Variants in SCAI observed in about 807,000 individuals in gnomAD.
The protein encoded by SCAI is suppressor of cancer cell invasion.
In SCAI, 24 loss-of-function variants were observed where a neutral mutation model predicts 92.2. The ratio of observed to expected loss-of-function variants is 0.26; its 90% CI spans 0.19 to 0.37. The LOEUF (loss-of-function observed/expected upper bound fraction) is 0.37, where lower values mean the gene tolerates loss of function less well. Ranked by LOEUF, SCAI falls within the 10% of genes least tolerant of loss-of-function variation. The pLI, the probability that SCAI is intolerant of heterozygous loss-of-function variation, is 1.00. For missense variants in SCAI, 450 were observed against 736.2 expected (o/e 0.61, Z 4.50); for synonymous variants, 261 against 258.6 (o/e 1.01, Z -0.09).
At chr9:124,995,943 G>A (rs1057196821) in intron 13 of SCAI, among the ~76,000 whole-genome samples, 10 of 152,046 alleles carry the variant, frequency 6.6e-5, no homozygotes, top group African/African-American at 1.9e-4. Context: ...CTTGGTGTGC[G>A]TGCTCTTTCC....
At position 124,949,330 on chromosome 9, in the gene SCAI, G is replaced by A. The variant is rs962329553; in HGVS notation, c.*3477C>T. ...ATCCTGCCACCACACTGCAGCCTGA[G>A]TAACAAGAGTGAAACTCCGTCTCAA... On this transcript the variant is annotated 3_prime_UTR_variant, in exon 18 of 18. Coordinates refer to ENST00000336505, the MANE Select transcript of SCAI (RefSeq NM_001144877.3). The surrounding 1 kb of genome is among the most constrained non-coding windows in gnomAD (Gnocchi z 4.0). The A allele has an allele frequency of 2.0e-5, 3 of 152,220 alleles. No individual in the cohort carries two copies. The highest frequency in any genetic ancestry group is 4.4e-5 in the Non-Finnish European group (3 of 68,060). The allele number at this position is 152,220 out of a possible 1,614,324, so 9.4% of individuals were successfully genotyped here.
At position 124,945,873 on chromosome 9, in the gene SCAI, T is replaced by C. The variant is rs930123885; in HGVS notation, c.*6934A>G. ...GAGGAAGATGAATCACTTTTTTTTT[T>C]AAGTGGTCCCATTATCCAGGAAAGA... On this transcript the variant is annotated 3_prime_UTR_variant, in exon 18 of 18. Transcript: ENST00000336505. 6.6e-6 allele frequency: 1 copy of C among 152,102 alleles called. No homozygotes were observed. The highest frequency in any genetic ancestry group is 6.6e-5 in the Admixed American group (1 of 15,260). 9.4% of individuals were successfully genotyped at this position (152,102 alleles called of 1,614,324 possible).
At chr9:125,111,101 T>C (rs1247609299) in intron 2 of SCAI, among the ~76,000 whole-genome samples, 2 of 152,216 alleles carry the variant, frequency 1.3e-5, no homozygotes, top group South Asian at 4.1e-4. Context: ...AAAATATAGA[T>C]GTAAAAATCT....
intron 2 of SCAI, chr9:125,066,179 G>T: frequency 1.9e-6 from 1 of 515,934 alleles, no homozygotes; most frequent in Non-Finnish European, 3.4e-6. Context: ...TTAACCAGTG[G>T]GTTTAGCAAA....
chr9:125,051,648 G>A (rs1833562581), intron 3 of SCAI, among the ~76,000 whole-genome samples: 1 of 152,094 alleles, frequency 6.6e-6, no homozygotes, highest in Non-Finnish European at 1.5e-5. Context: ...CCATACATAT[G>A]TAAAATTATT....
intron 17 of SCAI, among the ~76,000 whole-genome samples, chr9:124,968,067 C>A (rs559243598): frequency 2.0e-4 from 31 of 152,198 alleles, no homozygotes; most frequent in African/African-American, 7.0e-4. Context: ...TAAAGGATAT[C>A]ATATGAGGGA....
chr9:124,977,617 T>C (rs547675273), intron 14 of SCAI, among the ~76,000 whole-genome samples: 1 of 152,222 alleles, frequency 6.6e-6, no homozygotes, highest in South Asian at 2.1e-4. Context: ...AAGGCTACAA[T>C]GAGCTCTGAT....
At chr9:125,088,740 AG>A in intron 2 of SCAI, among the ~76,000 whole-genome samples, 1 of 152,268 alleles carries the variant, frequency 6.6e-6, no homozygotes, top group East Asian at 1.9e-4. Flanking sequence ...GGCCTCGCAA[AG>A]TTCTAGGATT....
At chr9:124,995,565 C>G (rs1221622961) in intron 13 of SCAI, among the ~76,000 whole-genome samples, 1 of 151,518 alleles carries the variant, frequency 6.6e-6, no homozygotes, top group Admixed American at 6.6e-5. Context: ...TCGCAGCTCA[C>G]AGCAACCTCC....
In SCAI at chr9:125,091,116, C is replaced by CA. The variant is rs1365502751; in HGVS notation, c.99-35110dup. Among the ~76,000 whole-genome samples the CA allele has an allele frequency of 3.3e-5, 5 of 151,504 alleles. No individual in the cohort carries two copies. The highest frequency in any genetic ancestry group is 4.2e-4 in the South Asian group (2 of 4,800). On this transcript the variant is annotated intron_variant, in intron 2 of 17. Coordinates refer to ENST00000336505, the MANE Select transcript of SCAI (RefSeq NM_001144877.3). This position sits in a 1 kb window ranked among gnomAD's most constrained non-coding sequence, Gnocchi z 4.3. The stretch of plus-strand genomic sequence containing the variant: ...TGGGTGACAAAGCGAGACTCTGTCT[C>CA]AAAAAAAAGAAAGGACAGGTTCATA...
intron 2 of SCAI, among the ~76,000 whole-genome samples, chr9:125,071,741 GA>G (rs963484031): frequency 6.6e-6 from 1 of 151,088 alleles, no homozygotes; most frequent in Non-Finnish European, 1.5e-5. Context: ...AAAAAGGCAG[GA>G]AAAAAAAAGA....
intron 9 of SCAI, among the ~76,000 whole-genome samples, chr9:125,010,791 G>C (rs1832620049): frequency 6.6e-6 from 1 of 152,142 alleles, no homozygotes; most frequent in African/African-American, 2.4e-5. Context: ...CCCAAGTAGG[G>C]GCAGACTGAC....
intron 17 of SCAI, among the ~76,000 whole-genome samples, chr9:124,962,789 TC>T (rs1302531074): frequency 1.3e-5 from 2 of 151,422 alleles, no homozygotes; most frequent in African/African-American, 2.4e-5. Flanking sequence ...TATTGTTTTT[TC>T]TTTTTCTTTC....
chr9:124,987,511 G>C (rs1002617390), intron 14 of SCAI, among the ~76,000 whole-genome samples: 3 of 151,996 alleles, frequency 2.0e-5, no homozygotes, highest in African/African-American at 7.2e-5. Flanking sequence ...AGCCTGAAAA[G>C]CTACTCTTTC....
chr9:124,988,699 A>T (rs1488457511), intron 14 of SCAI, among the ~76,000 whole-genome samples: 1 of 152,202 alleles, frequency 6.6e-6, no homozygotes, highest in Admixed American at 6.5e-5. Context: ...ACCAGACCAG[A>T]ATGTGCAATA....
At chr9:125,014,977 A>G (rs561904781) in intron 9 of SCAI, among the ~76,000 whole-genome samples, 3 of 152,328 alleles carry the variant, frequency 2.0e-5, no homozygotes, top group Non-Finnish European at 2.9e-5. Flanking sequence ...CTGGCTAGCC[A>G]TATGTAGAAA....
At chr9:125,133,602 A>T (rs1021690916) in intron 2 of SCAI, among the ~76,000 whole-genome samples, 5 of 152,182 alleles carry the variant, frequency 3.3e-5, no homozygotes, top group Non-Finnish European at 5.9e-5. Flanking sequence ...AATGACACGT[A>T]CCAGTGTACA....
At position 124,948,999 on chromosome 9, in the gene SCAI, A is replaced by C. The variant is rs2131563171; in HGVS notation, c.*3808T>G. On this transcript the variant is annotated 3_prime_UTR_variant, in exon 18 of 18. Transcript: ENST00000336505. ...AAGCCCATTGGGCAACTGTCCTTTT[A>C]GATAATTCTTCTCCCTTGATTAAAG... 6.6e-6 allele frequency: 1 copy of C among 152,378 alleles called. No individual in the cohort carries two copies. The highest frequency in any genetic ancestry group is 2.1e-4 in the South Asian group (1 of 4,820). 9.4% of individuals were successfully genotyped at this position (152,378 alleles called of 1,614,324 possible). A position where few individuals can be genotyped will look rare whatever the true frequency, so the allele number is the denominator to read the frequency against.
In SCAI at chr9:124,952,729, T is replaced by TA; in HGVS notation, c.*77_*78insT. ...ATAAAAACTAAGTAACACCACTATGTGTCTTATCACGTTAGAAAACTGCAC... is the reference window on the plus strand; with the variant it reads ...ATAAAAACTAAGTAACACCACTATGTAGTCTTATCACGTTAGAAAACTGCAC... On this transcript the variant is annotated 3_prime_UTR_variant, in exon 18 of 18. Transcript: ENST00000336505. The TA allele has an allele frequency of 5.9e-6, 7 of 1,179,862 alleles. No homozygotes were observed. Among genetic ancestry groups the TA allele is most frequent in the Non-Finnish European group, 8.5e-6 (7 of 824,886 alleles). The allele number at this position is 1,179,862 out of a possible 1,614,324, so 73.1% of individuals were successfully genotyped here. A position where few individuals can be genotyped will look rare whatever the true frequency, so the allele number is the denominator to read the frequency against.
Sources: gnomAD v4.1 joint callset for allele counts (sites outside exome capture counted in the v4.1 genomes callset) on GRCh38, gnomAD v4.1.1 for gene constraint, Gnocchi (gnomAD v3.1) non-coding constraint, MANE v1.5 for transcripts, NCBI Gene and HGNC (gene_info 2026-07-23, HGNC 2026-07-21) for gene names.